CDH13: variants seen among roughly 807,000 people sequenced by gnomAD.
CDH13 encodes the protein cadherin 13, also known as cadherin-13.
In CDH13, 24 loss-of-function variants were observed where a neutral mutation model predicts 63.8. That is an observed-to-expected ratio of 0.38 (90% CI 0.27 to 0.53). CDH13 has a LOEUF of 0.53. Among genes scored for constraint, CDH13 ranks in the 20% least tolerant of loss-of-function variants. The pLI is 0.85. For missense variants in CDH13, 1,049 were observed against 903.1 expected (o/e 1.16, Z -2.07); for synonymous variants, 503 against 355.3 (o/e 1.42, Z -4.67).
intron 4 of CDH13, among the ~76,000 whole-genome samples, chr16:83,161,909 A>G (rs372331462): frequency 2.0e-5 from 3 of 152,248 alleles, no homozygotes; most frequent in South Asian, 2.1e-4. Context: ...CCATCGATCC[A>G]GAGAACAAAT....
At chr16:83,765,047 T>G (rs1376910789) in intron 11 of CDH13, among the ~76,000 whole-genome samples, 1 of 152,220 alleles carries the variant, frequency 6.6e-6, no homozygotes, top group African/African-American at 2.4e-5. Flanking sequence ...AGCCTTCTGA[T>G]CTATCCCCAG....
chr16:83,131,646 T>C (rs1597389243), intron 4 of CDH13, among the ~76,000 whole-genome samples: 1 of 152,240 alleles, frequency 6.6e-6, no homozygotes. Flanking sequence ...CTTTGGGAGA[T>C]GTATTTTATT....
chr16:83,652,688 T>G (rs905596820), intron 8 of CDH13, among the ~76,000 whole-genome samples: 1 of 152,116 alleles, frequency 6.6e-6, no homozygotes, highest in Non-Finnish European at 1.5e-5. Context: ...GGCCACGGTC[T>G]CTTGTATTTG....
intron 7 of CDH13, among the ~76,000 whole-genome samples, chr16:83,519,785 C>A (rs1225807018): frequency 6.6e-6 from 1 of 152,084 alleles, no homozygotes; most frequent in Non-Finnish European, 1.5e-5. Context: ...GTACAATCCT[C>A]CCAGTGTGAA....
At chr16:83,333,122 G>A (rs1476158702) in intron 5 of CDH13, among the ~76,000 whole-genome samples, 1 of 152,128 alleles carries the variant, frequency 6.6e-6, no homozygotes, top group East Asian at 1.9e-4. Context: ...AATGAAGGTG[G>A]AGGAATGTTA....
intron 11 of CDH13, among the ~76,000 whole-genome samples, chr16:83,773,939 C>G (rs778373756): frequency 6.6e-6 from 1 of 152,172 alleles, no homozygotes; most frequent in South Asian, 2.1e-4. Flanking sequence ...TATCCCTCCC[C>G]CTTCCCTGCC....
intron 3 of CDH13, among the ~76,000 whole-genome samples, chr16:83,043,598 C>T (rs1372995950): frequency 1.3e-5 from 2 of 151,848 alleles, no homozygotes; most frequent in Admixed American, 6.6e-5. Flanking sequence ...ATGGCTCACA[C>T]CTGTAATCCC....
intron 4 of CDH13, among the ~76,000 whole-genome samples, chr16:83,136,433 CCGAG>C (rs1186293120): frequency 6.6e-6 from 1 of 150,530 alleles, no homozygotes; most frequent in Non-Finnish European, 1.5e-5. Flanking sequence ...TTGTAGTGAG[CCGAG>C]ATCGCTCCAC....
At chr16:83,569,531 C>A (rs115015713) in intron 7 of CDH13, among the ~76,000 whole-genome samples, 1,724 of 152,232 alleles carry the variant, frequency 0.011, 29 homozygotes, top group African/African-American at 0.04. Context: ...AGTAAAAATA[C>A]ATTTTTCTAT....
intron 5 of CDH13, among the ~76,000 whole-genome samples, chr16:83,331,180 G>A (rs1041939465): frequency 1.1e-4 from 16 of 152,124 alleles, no homozygotes; most frequent in African/African-American, 3.9e-4. Context: ...CCCACCTTTG[G>A]AATCTCAGCT....
chr16:83,168,754 T>C (rs1452296123), intron 4 of CDH13, among the ~76,000 whole-genome samples: 6 of 152,194 alleles, frequency 3.9e-5, no homozygotes, highest in Non-Finnish European at 8.8e-5. Flanking sequence ...TATATTCATA[T>C]GTAAGATTAA....
At chr16:82,629,780 C>A (rs2150864161) in intron 1 of CDH13, among the ~76,000 whole-genome samples, 1 of 152,308 alleles carries the variant, frequency 6.6e-6, no homozygotes, top group East Asian at 1.9e-4. Context: ...CTCCTATCCC[C>A]TGGGGTGTTT....
At chr16:83,214,071 A>C (rs1388879709) in intron 4 of CDH13, among the ~76,000 whole-genome samples, 3 of 152,066 alleles carry the variant, frequency 2.0e-5, no homozygotes, top group Non-Finnish European at 2.9e-5. Context: ...GGCCACCCCC[A>C]AGGCAGCAGC....
intron 4 of CDH13, among the ~76,000 whole-genome samples, chr16:83,162,489 A>T (rs2037489354): frequency 6.6e-6 from 1 of 152,180 alleles, no homozygotes; most frequent in Admixed American, 6.5e-5. Flanking sequence ...CTGAAAATTC[A>T]ATCTGTCTTT....
intron 5 of CDH13, among the ~76,000 whole-genome samples, chr16:83,293,410 G>A (rs113589452): frequency 1.1e-4 from 17 of 152,120 alleles, no homozygotes; most frequent in Non-Finnish European, 1.8e-4. Context: ...CCTTGCCACC[G>A]GAAGAAAATG....
intron 1 of CDH13, among the ~76,000 whole-genome samples, chr16:82,659,604 C>A (rs1351680529): frequency 6.6e-6 from 1 of 152,114 alleles, no homozygotes; most frequent in Non-Finnish European, 1.5e-5. Flanking sequence ...CATAAAGAAT[C>A]CCCCCAAAAT....
At position 82,763,321 on chromosome 16, in the gene CDH13, G is replaced by A. The variant is rs960332293; in HGVS notation, c.46-95041G>A. On this transcript the variant is annotated intron_variant, in intron 1 of 13. Transcript: ENST00000567109. ...TTTTTCTTCACAGCACTTATTTCCT[G>A]ACACAGTAAATCATTTATAAGTTGC... is the stretch of plus-strand genomic sequence containing the variant. Among the ~76,000 whole-genome samples the A allele has an allele frequency of 2.0e-5, 3 of 152,056 alleles. No homozygotes were observed. The South Asian group carries it at 6.2e-4, about 32-fold the overall frequency.
At chr16:83,501,060 T>A (rs2074273355) in intron 7 of CDH13, among the ~76,000 whole-genome samples, 2 of 152,246 alleles carry the variant, frequency 1.3e-5, no homozygotes, top group East Asian at 3.8e-4. Context: ...GCATTCTTAT[T>A]TCTTTAAGTA....
intron 8 of CDH13, among the ~76,000 whole-genome samples, chr16:83,628,795 A>G (rs1255548469): frequency 6.6e-6 from 1 of 152,210 alleles, no homozygotes; most frequent in Admixed American, 6.5e-5. Flanking sequence ...TGAAACCTTG[A>G]TGGTTGATTT....
Sources: gnomAD v4.1 joint callset for allele counts (sites outside exome capture counted in the v4.1 genomes callset) on GRCh38, gnomAD v4.1.1 for gene constraint, MANE v1.5 for transcripts, NCBI Gene and HGNC (gene_info 2026-07-23, HGNC 2026-07-21) for gene names.